The following PIAS1 variants were observed in gnomAD, a reference collection of about 807,000 sequenced individuals.
PIAS1 encodes E3 SUMO-protein ligase PIAS1.
Under a neutral mutation model 71.3 loss-of-function variants are expected in PIAS1, and 6 were observed. That is an observed-to-expected ratio of 0.08 (90% CI 0.05 to 0.17). The LOEUF (loss-of-function observed/expected upper bound fraction) is 0.17. Among genes scored for constraint, PIAS1 ranks in the 10% least tolerant of loss-of-function variants. PIAS1 has a pLI of 1.00. For missense variants in PIAS1, 555 were observed against 793.6 expected (o/e 0.70, Z 3.61); for synonymous variants, 303 against 292.9 (o/e 1.03, Z -0.35).
intron 8 of PIAS1, among the ~76,000 whole-genome samples, chr15:68,166,344 T>G (rs2092957706): frequency 1.3e-5 from 2 of 151,936 alleles, no homozygotes; most frequent in South Asian, 4.2e-4. Context: ...GGTTTTTTTG[T>G]TTTTTTATTT....
intron 2 of PIAS1, among the ~76,000 whole-genome samples, chr15:68,108,298 A>T (rs951822725): frequency 2.0e-5 from 3 of 152,106 alleles, no homozygotes; most frequent in Non-Finnish European, 4.4e-5. Context: ...TGTGATGCCA[A>T]ACCCCATGAT....
chr15:68,079,285 C>A (rs950211687), intron 1 of PIAS1, among the ~76,000 whole-genome samples: 3 of 152,192 alleles, frequency 2.0e-5, no homozygotes, highest in African/African-American at 7.2e-5. Context: ...GTCTTCTCTT[C>A]CTATACATAC....
chr15:68,114,776 T>C (rs2141013402), intron 2 of PIAS1, among the ~76,000 whole-genome samples: 1 of 152,164 alleles, frequency 6.6e-6, no homozygotes, highest in South Asian at 2.1e-4. Flanking sequence ...AATTGCAACA[T>C]GATTCGTCTT....
chr15:68,134,990 C>T (rs1375116512), intron 2 of PIAS1, among the ~76,000 whole-genome samples: 1 of 49,564 alleles, frequency 2.0e-5, no homozygotes, highest in African/African-American at 4.1e-5. Flanking sequence ...ACCTCCCTCC[C>T]GGACGGGGCG....
intron 2 of PIAS1, among the ~76,000 whole-genome samples, chr15:68,119,082 G>C (rs1269123416): frequency 1.5e-5 from 2 of 136,370 alleles, no homozygotes; most frequent in Non-Finnish European, 3.1e-5. Context: ...CAACTCAGCA[G>C]CAACAAACCA....
chr15:68,155,038 C>T (rs772281317), intron 7 of PIAS1, among the ~76,000 whole-genome samples: 12 of 152,024 alleles, frequency 7.9e-5, no homozygotes, highest in Non-Finnish European at 1.6e-4. Flanking sequence ...GAGGGAATAC[C>T]AAGAAATAAG....
intron 2 of PIAS1, among the ~76,000 whole-genome samples, chr15:68,107,006 G>A (rs2092477178): frequency 6.6e-6 from 1 of 152,188 alleles, no homozygotes; most frequent in Non-Finnish European, 1.5e-5. Context: ...CTCGTGAGGA[G>A]ATGGGACCCT....
intron 1 of PIAS1, among the ~76,000 whole-genome samples, chr15:68,056,968 A>G (rs1597106278): frequency 6.6e-6 from 1 of 152,178 alleles, no homozygotes; most frequent in East Asian, 1.9e-4. Context: ...GAGTACTTCA[A>G]CTGTGAAGCT....
At chr15:68,177,475 C>G (rs1034562725) in intron 11 of PIAS1, among the ~76,000 whole-genome samples, 1 of 152,068 alleles carries the variant, frequency 6.6e-6, no homozygotes, top group Non-Finnish European at 1.5e-5. Flanking sequence ...GTGAATGAGG[C>G]TGGTAGTGAA....
At chr15:68,082,899 T>G (rs1219254839) in intron 1 of PIAS1, among the ~76,000 whole-genome samples, 1 of 152,124 alleles carries the variant, frequency 6.6e-6, no homozygotes, top group African/African-American at 2.4e-5. Flanking sequence ...GTAAAACTTT[T>G]TGGTTTTTTA....
rs1456591483 is a variant in PIAS1, at chr15:68,190,160, T to TG, written c.*2326dup. The TG allele has an allele frequency of 6.6e-6, 1 of 152,230 alleles. No individual in the cohort carries two copies. The highest frequency in any genetic ancestry group is 1.5e-5 in the Non-Finnish European group (1 of 68,044). 9.4% of individuals were successfully genotyped at this position (152,230 alleles called of 1,614,324 possible). ...TGTAGAAAAGGTTAATTTCCCTCAG[T>TG]GTCCCACATTATACCAACCTAAGAG... On this transcript the variant is annotated 3_prime_UTR_variant, in exon 14 of 14. Transcript: ENST00000249636. This position sits in a 1 kb window ranked among gnomAD's most constrained non-coding sequence, Gnocchi z 4.7.
intron 2 of PIAS1, among the ~76,000 whole-genome samples, chr15:68,104,782 A>T (rs913435740): frequency 6.6e-6 from 1 of 152,232 alleles, no homozygotes; most frequent in African/African-American, 2.4e-5. Context: ...GTATGCATGT[A>T]CAAAAATACA....
intron 1 of PIAS1, among the ~76,000 whole-genome samples, chr15:68,069,941 T>A (rs2092076134): frequency 6.6e-6 from 1 of 152,220 alleles, no homozygotes; most frequent in Admixed American, 6.5e-5. Context: ...AACTTTATTT[T>A]GGGAAATGTT....
At chr15:68,063,541 G>T (rs1251888030) in intron 1 of PIAS1, among the ~76,000 whole-genome samples, 2 of 151,904 alleles carry the variant, frequency 1.3e-5, no homozygotes, top group Admixed American at 1.3e-4. Flanking sequence ...ATATTTTTGG[G>T]TATCTGCTGT....
chr15:68,135,966 C>T (rs1359436666), intron 2 of PIAS1, among the ~76,000 whole-genome samples: 1 of 40,872 alleles, frequency 2.4e-5, no homozygotes, highest in African/African-American at 5.2e-5. Flanking sequence ...AGGCGATGGG[C>T]GGCCGGGCAG....
At chr15:68,097,542 T>C (rs1314187836) in intron 2 of PIAS1, among the ~76,000 whole-genome samples, 1 of 152,100 alleles carries the variant, frequency 6.6e-6, no homozygotes, top group East Asian at 1.9e-4. Context: ...AAGTGATTCT[T>C]CTGCCTCAGC....
intron 2 of PIAS1, among the ~76,000 whole-genome samples, chr15:68,113,129 T>TTA (rs1292385661): frequency 1.3e-5 from 2 of 152,200 alleles, no homozygotes; most frequent in Non-Finnish European, 2.9e-5. Context: ...AAGACTTTAA[T>TTA]ATGTTTTAAG....
At chr15:68,140,531 A>T (rs1482205232) in intron 2 of PIAS1, among the ~76,000 whole-genome samples, 1 of 152,184 alleles carries the variant, frequency 6.6e-6, no homozygotes, top group Non-Finnish European at 1.5e-5. Flanking sequence ...CTCCTTGGTG[A>T]TAGATTCTTT....
At chr15:68,164,111 A>C (rs35495454) in intron 7 of PIAS1, among the ~76,000 whole-genome samples, 1 of 152,000 alleles carries the variant, frequency 6.6e-6, no homozygotes, top group Non-Finnish European at 1.5e-5. Context: ...GTGGGTTCCA[A>C]TTTTACTACA....
Sources: allele counts gnomAD v4.1 joint callset (sites outside exome capture counted in the v4.1 genomes callset), GRCh38; gene constraint gnomAD v4.1.1; non-coding constraint Gnocchi (gnomAD v3.1); transcripts MANE v1.5; gene names NCBI Gene and HGNC (gene_info 2026-07-23, HGNC 2026-07-21).